UVSSA: variants seen among roughly 807,000 people sequenced by gnomAD.
UVSSA encodes UV stimulated scaffold protein A, also known as UV-stimulated scaffold protein A.
UVSSA carries 72 observed loss-of-function variants against 73.9 expected under a neutral mutation model. That is an observed-to-expected ratio of 0.97 (90% CI 0.81 to 1.19). The LOEUF is 1.19. UVSSA is among the 50% of genes most tolerant of loss of function. The pLI, the probability that UVSSA is intolerant of heterozygous loss-of-function variation, is 0.00. For synonymous variants in UVSSA, 454 were observed against 391.3 expected (o/e 1.16, Z -1.89); for missense variants, 1,150 against 965.0 (o/e 1.19, Z -2.54).
intron 8 of UVSSA, among the ~76,000 whole-genome samples, chr4:1,371,933 A>G (rs1043645203): frequency 1.3e-5 from 2 of 152,206 alleles, no homozygotes; most frequent in African/African-American, 4.8e-5. Flanking sequence ...CCACTTCCCA[A>G]GAGGGTTCGC....
Position 1,395,073 on chromosome 4 carries a change from C to T in UVSSA, c.*9112C>T, listed in dbSNP as rs1333445042. 9.1e-6 allele frequency: 12 copies of T among 1,325,220 alleles called. 2 individuals are homozygous for T. The highest frequency in any genetic ancestry group is 3.1e-5 in the African/African-American group (2 of 63,894). The allele number at this position is 1,325,220 out of a possible 1,614,324, so 82.1% of individuals were successfully genotyped here. A position where few individuals can be genotyped will look rare whatever the true frequency, so the allele number is the denominator to read the frequency against. On this transcript the variant is annotated 3_prime_UTR_variant, in exon 14 of 14. Transcript: ENST00000511216. Reference sequence around the variant, plus strand: ...CTCACACGTGCCAACGTGGAGTGCCCGCCTGATCACACGTGCCCATGTGGA... The same window carrying T: ...CTCACACGTGCCAACGTGGAGTGCCTGCCTGATCACACGTGCCCATGTGGA...
In UVSSA at chr4:1,348,078, A is replaced by C. The variant is rs760954628; in HGVS notation, c.-2-12A>C. Reference sequence around the variant, plus strand: ...GATGGTGATATAGCATCTCTGCCTTACTTATTTCTAGATATGGATCAGAAA... The same window carrying C: ...GATGGTGATATAGCATCTCTGCCTTCCTTATTTCTAGATATGGATCAGAAA... On this transcript the variant is annotated splice_polypyrimidine_tract_variant and intron_variant, in intron 1 of 13. Transcript: ENST00000389851. 3.8e-6 allele frequency: 6 copies of C among 1,596,942 alleles called. No individual in the cohort carries two copies. In the African/African-American group the frequency reaches 8.1e-5, roughly 21 times the overall value.
At chr4:1,350,285 A>AACCC (rs1714498430) in intron 3 of UVSSA, among the ~76,000 whole-genome samples, 1 of 152,086 alleles carries the variant, frequency 6.6e-6, no homozygotes, top group Non-Finnish European at 1.5e-5. Context: ...GGCATGATGA[A>AACCC]ACCCACCAGG....
chr4:1,379,471 C>T (rs1000170966), intron 10 of UVSSA, among the ~76,000 whole-genome samples: 1 of 144,368 alleles, frequency 6.9e-6, no homozygotes, highest in Non-Finnish European at 1.5e-5. Flanking sequence ...AGCGTGGGAG[C>T]GGACGCACCT....
intron 10 of UVSSA, among the ~76,000 whole-genome samples, chr4:1,377,959 C>G (rs1718977120): frequency 6.6e-6 from 1 of 152,232 alleles, no homozygotes; most frequent in African/African-American, 2.4e-5. Context: ...GAGATGGCAC[C>G]TGGGTGCCAC....
At chr4:1,380,018 GCTATGA>G in intron 10 of UVSSA, 23 bp from the exon 11 acceptor site, 3 of 1,571,674 alleles carry the variant, frequency 1.9e-6, no homozygotes, top group Non-Finnish European at 2.6e-6. Flanking sequence ...CCCTGCAGAT[GCTATGA>G]GGGCCTCTGG....
chr4:1,395,818 C>A, exon 14 of UVSSA: 1 of 1,614,038 alleles, frequency 6.2e-7, no homozygotes, highest in Non-Finnish European at 8.5e-7. Flanking sequence ...GTCAAGGATC[C>A]CTTTTATATT....
Position 1,349,629 on chromosome 4 carries a change from C to T in UVSSA, c.204C>T (p.Leu68=). 6.2e-7 allele frequency: 1 copy of T among 1,614,110 alleles called. No individual in the cohort carries two copies. Among genetic ancestry groups the T allele is most frequent in the South Asian group, 1.1e-5 (1 of 91,080 alleles). ...RLSAFQIVEE[L]FVRSHQFRML... ...CAGCCTTCCAGATTGTGGAGGAACT[C>T]TTCGTCAGGTCTCACCAGTTCCGGA... Residue 68 remains leucine (L), a synonymous_variant, in exon 3 of 14, where the codon CTC becomes CTT. Coordinates refer to ENST00000389851, the MANE Select transcript of UVSSA (RefSeq NM_020894.4).
chr4:1,387,793 G>C lies in UVSSA; in HGVS notation c.*1832G>C, dbSNP rs184657776. On this transcript the variant is annotated 3_prime_UTR_variant, in exon 14 of 14. Coordinates refer to ENST00000389851, the MANE Select transcript of UVSSA (RefSeq NM_020894.4). ...TCTGGGCACTTGACTCTATTCCATT[G>C]ACCTGTTTAACCTTATGCCAGTGCC... The C allele has an allele frequency of 4.7e-4, 71 of 152,194 alleles. No individual in the cohort carries two copies. The highest frequency in any genetic ancestry group is 1.7e-3 in the African/African-American group (69 of 41,524). 9.4% of individuals were successfully genotyped at this position (152,194 alleles called of 1,614,324 possible).
intron 13 of UVSSA, chr4:1,385,382 T>G: frequency 4.9e-6 from 1 of 202,204 alleles, no homozygotes; most frequent in Non-Finnish European, 1.0e-5. Context: ...ACAGCACACC[T>G]CATCCTGCTC....
chr4:1,385,821 C>T lies in UVSSA; in HGVS notation c.2037-47C>T, dbSNP rs73077587. 4,230 of 1,603,950 alleles carry T rather than the reference C, an allele frequency of 2.6e-3. 110 individuals carry two copies. The African/African-American group carries it at 0.048, about 18-fold the overall frequency. ...TGATGCCGCCACTGGGAGCCCAGGC[C>T]CCTGGCGGAAGCCTCCCAGGTCACA... On this transcript the variant is annotated intron_variant, in intron 13 of 13. Coordinates refer to ENST00000389851, the MANE Select transcript of UVSSA (RefSeq NM_020894.4).
In UVSSA at chr4:1,353,019, T is replaced by C. The variant is rs751520782; in HGVS notation, c.551-11T>C. 2 of 1,600,922 alleles carry C rather than the reference T, an allele frequency of 1.2e-6. No individual in the cohort carries two copies. The highest frequency in any genetic ancestry group is 3.4e-5 in the Admixed American group (2 of 59,274). ...ATAGCGCAGCAAACAGGTGTCTTGATCTTCCGGCAGAAATGTCTGGAGAAA... is the reference window on the plus strand; with the variant it reads ...ATAGCGCAGCAAACAGGTGTCTTGACCTTCCGGCAGAAATGTCTGGAGAAA... On this transcript the variant is annotated splice_polypyrimidine_tract_variant and intron_variant, in intron 4 of 13. Transcript: ENST00000389851.
At chr4:1,348,372 G>A (rs1560414974) in intron 2 of UVSSA, among the ~76,000 whole-genome samples, 183 bp downstream of exon 2, 2 of 152,360 alleles carry the variant, frequency 1.3e-5, no homozygotes, top group Non-Finnish European at 2.9e-5. Context: ...GGGGCGTGTG[G>A]CGTTGGGGAC....
At chr4:1,344,421 G>T (rs1465178360), upstream of UVSSA, among the ~76,000 whole-genome samples, 1 of 151,902 alleles carries the variant, frequency 6.6e-6, no homozygotes, top group Admixed American at 6.6e-5. Context: ...CGTGGTGGTG[G>T]GCGCCTGTAA....
exon 14 of UVSSA, chr4:1,394,154 C>T: frequency 4.9e-6 from 2 of 406,232 alleles, no homozygotes; most frequent in Non-Finnish European, 9.0e-6. Flanking sequence ...AGCTCAGGTT[C>T]CTCTCGGGCA....
At position 1,354,809 on chromosome 4, in the gene UVSSA, C is replaced by T. The variant is rs113866137; in HGVS notation, c.1009C>T (p.Arg337Trp). The T allele has an allele frequency of 2.1e-4, 337 of 1,613,038 alleles. No homozygotes were observed. The highest frequency in any genetic ancestry group is 1.1e-3 in the African/African-American group (81 of 74,840). ...HAARDTLKLI[R>W]NKFLPAVCSW... is the part of the protein sequence containing the mutation. ...CGCCCGCGACACACTCAAGCTCATC[C>T]GGAACAAGTTCCTGCCGGCTGTGTG... Residue 337 changes from arginine (R) to tryptophan (W), a missense_variant, in exon 6 of 14, where the codon CGG becomes TGG. By Grantham distance (101) the Arg-to-Trp change is moderately radical. Transcript: ENST00000389851.
At chr4:1,345,261 G>A (rs187312312), upstream of UVSSA, among the ~76,000 whole-genome samples, 74 of 152,292 alleles carry the variant, frequency 4.9e-4, no homozygotes, top group African/African-American at 1.6e-3. Context: ...GTCAGGATTT[G>A]CAAACCAAAT....
chr4:1,391,056 A>C (rs1382464102), downstream of UVSSA: 1 of 153,044 alleles, frequency 6.5e-6, no homozygotes, highest in East Asian at 1.9e-4. Flanking sequence ...AGTGTTGTAT[A>C]GATGCCTGCT....
chr4:1,357,678 A>G (rs1054541885), intron 7 of UVSSA, among the ~76,000 whole-genome samples: 1 of 151,674 alleles, frequency 6.6e-6, no homozygotes, highest in African/African-American at 2.4e-5. Context: ...CCTGTGTGCC[A>G]GGGACCCTGC....
Sources: allele counts gnomAD v4.1 joint callset (sites outside exome capture counted in the v4.1 genomes callset), GRCh38; gene constraint gnomAD v4.1.1; transcripts MANE v1.5; gene names NCBI Gene and HGNC (gene_info 2026-07-23, HGNC 2026-07-21).